Variants in LIMCH1 observed in about 807,000 individuals in gnomAD.
LIMCH1 encodes the protein LIM and calponin homology domains-containing protein 1.
LIMCH1 carries 113 observed loss-of-function variants against 176.5 expected under a neutral mutation model. The observed-to-expected ratio is 0.64, with a 90% CI of 0.55 to 0.75. The LOEUF (loss-of-function observed/expected upper bound fraction) is 0.75, where lower values mean the gene tolerates loss of function less well. Ranked by LOEUF, LIMCH1 falls within the 30% of genes least tolerant of loss-of-function variation. LIMCH1 has a pLI of 0.00. For missense variants in LIMCH1, 1,674 were observed against 1,814.9 expected, an observed-to-expected ratio of 0.92 and a Z score of 1.41; for synonymous variants, 619 against 645.9, an observed-to-expected ratio of 0.96 and a Z score of 0.63.
chr4:41,620,561 C>T lies in LIMCH1; in HGVS notation c.596C>T (p.Pro199Leu). Reference sequence around the variant, plus strand: ...CCTGACGGCAGTGGTAAGGAGCACCCTTCTTCAGACGGGGCTGTGGTGGCA... The same window carrying T: ...CCTGACGGCAGTGGTAAGGAGCACCTTTCTTCAGACGGGGCTGTGGTGGCA... Reference protein sequence around the residue: ...ELPDGSGKEHPSSDGAVVAPA... With the variant: ...ELPDGSGKEHLSSDGAVVAPA... The change falls in exon 7 of 32, where the codon CCT becomes CTT. Residue 199 changes from proline (P) to leucine (L), a missense_variant. Physicochemically the swap from Pro to Leu is moderately conservative, Grantham distance 98 (BLOSUM62 -3). Coordinates refer to ENST00000503057, the MANE Select transcript of LIMCH1 (RefSeq NM_001330672.2). 1 of 1,536,336 alleles carries T rather than the reference C, an allele frequency of 6.5e-7. No homozygotes were observed. Among genetic ancestry groups the T allele is most frequent in the Non-Finnish European group, 8.7e-7 (1 of 1,146,970 alleles).
chr4:41,494,429 ATAGT>A (rs2071680849), intron 1 of LIMCH1: 10 of 704,756 alleles, frequency 1.4e-5, no homozygotes, highest in Non-Finnish European at 2.2e-5. Context: ...ATACACATAC[ATAGT>A]TATATATATG....
chr4:41,588,272 G>C (rs937961976), intron 1 of LIMCH1, among the ~76,000 whole-genome samples: 4 of 152,098 alleles, frequency 2.6e-5, no homozygotes, highest in Non-Finnish European at 5.9e-5. Flanking sequence ...ATATGGGATG[G>C]GTGAAGTGAG....
At chr4:41,428,157 G>A (rs1046406233) in intron 1 of LIMCH1, among the ~76,000 whole-genome samples, 1 of 152,182 alleles carries the variant, frequency 6.6e-6, no homozygotes, top group African/African-American at 2.4e-5. Flanking sequence ...TGGAGAGAGA[G>A]AGGGATGCAG....
chr4:41,418,535 G>A (rs962951800), intron 1 of LIMCH1, among the ~76,000 whole-genome samples: 1 of 145,200 alleles, frequency 6.9e-6, no homozygotes. Context: ...CAAGAGCTGT[G>A]CCGAGAGAAG....
chr4:41,658,153 G>T (rs1404084368), intron 18 of LIMCH1, among the ~76,000 whole-genome samples: 1 of 152,036 alleles, frequency 6.6e-6, no homozygotes, highest in African/African-American at 2.4e-5. Flanking sequence ...TTAACCTCCC[G>T]GGCCTCAGTT....
chr4:41,499,181 C>G (rs942930006), intron 2 of LIMCH1, among the ~76,000 whole-genome samples: 4 of 152,156 alleles, frequency 2.6e-5, no homozygotes, highest in Admixed American at 1.3e-4. Context: ...TCTCCCCCAC[C>G]TTTTTATTTT....
intron 1 of LIMCH1, among the ~76,000 whole-genome samples, chr4:41,391,135 C>G (rs1487438419): frequency 2.0e-5 from 3 of 152,200 alleles, no homozygotes; most frequent in Non-Finnish European, 4.4e-5. Flanking sequence ...GTTTGGATCA[C>G]TGCCAAGGAT....
chr4:41,399,215 C>T (rs2058112694), intron 1 of LIMCH1, among the ~76,000 whole-genome samples: 1 of 152,174 alleles, frequency 6.6e-6, no homozygotes, highest in African/African-American at 2.4e-5. Context: ...TTCTGAAAAG[C>T]ATGCTGTTTT....
chr4:41,453,270 T>A (rs1307095307), intron 1 of LIMCH1, among the ~76,000 whole-genome samples: 1 of 152,204 alleles, frequency 6.6e-6, no homozygotes, highest in East Asian at 1.9e-4. Flanking sequence ...CCTTGAACAA[T>A]GCAGGGATTA....
At chr4:41,584,676 TTTTG>T (rs941684135) in intron 1 of LIMCH1, among the ~76,000 whole-genome samples, 8 of 152,196 alleles carry the variant, frequency 5.3e-5, no homozygotes, top group Middle Eastern at 3.2e-3. Flanking sequence ...TTGCTGTTTT[TTTTG>T]TTTGTTTGTT....
At chr4:41,367,469 A>G (rs2053199974) in intron 1 of LIMCH1, among the ~76,000 whole-genome samples, 1 of 152,004 alleles carries the variant, frequency 6.6e-6, no homozygotes, top group South Asian at 2.1e-4. Flanking sequence ...GGTCAGTGTA[A>G]GTTAGGGACT....
intron 1 of LIMCH1, among the ~76,000 whole-genome samples, chr4:41,424,417 A>G (rs1042832321): frequency 1.3e-5 from 2 of 152,212 alleles, no homozygotes; most frequent in Non-Finnish European, 2.9e-5. Flanking sequence ...TGCTTAAAGT[A>G]ATCTTACCAT....
At chr4:41,695,703 A>G (rs1446151334) in intron 31 of LIMCH1, among the ~76,000 whole-genome samples, 1 of 152,112 alleles carries the variant, frequency 6.6e-6, no homozygotes, top group Non-Finnish European at 1.5e-5. Flanking sequence ...TCCAGATAAC[A>G]TTAATATCTT....
chr4:41,620,784 C>A, intron 7 of LIMCH1, 94 bp downstream of exon 7: 1 of 1,358,334 alleles, frequency 7.4e-7, no homozygotes, highest in Non-Finnish European at 9.7e-7. Context: ...TCTGATTTTT[C>A]CACTTCCCGC....
At chr4:41,491,711 C>G (rs2071055899) in intron 1 of LIMCH1, among the ~76,000 whole-genome samples, 1 of 145,606 alleles carries the variant, frequency 6.9e-6, no homozygotes, top group Admixed American at 6.8e-5. Context: ...GGCAGAGGTG[C>G]TCCTCACTTC....
upstream of LIMCH1, among the ~76,000 whole-genome samples, chr4:41,536,788 A>T (rs1036104516): frequency 6.6e-6 from 1 of 152,238 alleles, no homozygotes; most frequent in Admixed American, 6.5e-5. Flanking sequence ...AAAGTTAAGG[A>T]GACATAATGA....
chr4:41,396,483 A>C (rs1248666344), intron 1 of LIMCH1, among the ~76,000 whole-genome samples: 1 of 152,150 alleles, frequency 6.6e-6, no homozygotes, highest in South Asian at 2.1e-4. Context: ...GTGGGGATAG[A>C]AAGTTGATAG....
chr4:41,553,225 C>CGG (rs1280012481), intron 1 of LIMCH1, among the ~76,000 whole-genome samples: 15 of 152,134 alleles, frequency 9.9e-5, no homozygotes, highest in Middle Eastern at 3.2e-3. Flanking sequence ...GGGGTTACAA[C>CGG]CATGAATGGC....
intron 30 of LIMCH1, 146 bp from the exon 31 acceptor site, chr4:41,692,136 G>C (rs1441815653): frequency 8.5e-6 from 5 of 587,042 alleles, no homozygotes; most frequent in Admixed American, 5.8e-5. Flanking sequence ...AGTTGACACT[G>C]GTGCAGCATC....
Sources: gnomAD v4.1 joint callset for allele counts (sites outside exome capture counted in the v4.1 genomes callset) on GRCh38, gnomAD v4.1.1 for gene constraint, MANE v1.5 for transcripts, NCBI Gene and HGNC (gene_info 2026-07-23, HGNC 2026-07-21) for gene names.